Variants in PLPP4 observed in about 807,000 individuals in gnomAD.
PLPP4 encodes phospholipid phosphatase 4.
PLPP4 carries 20 observed loss-of-function variants against 32.2 expected under a neutral mutation model. The ratio of observed to expected loss-of-function variants is 0.62; its 90% CI spans 0.44 to 0.90. The LOEUF is 0.90. Among genes scored for constraint, PLPP4 ranks in the 40% least tolerant of loss-of-function variants. The probability of loss-of-function intolerance (pLI) is 0.00; values close to 1 mark genes in which losing one functional copy is unlikely to be tolerated. For missense variants in PLPP4, 257 were observed against 353.1 expected, an observed-to-expected ratio of 0.73 and a Z score of 2.18; for synonymous variants, 127 against 133.0, an observed-to-expected ratio of 0.95 and a Z score of 0.31.
chr10:120,566,875 A>G (rs922905507), intron 5 of PLPP4, among the ~76,000 whole-genome samples: 16 of 152,076 alleles, frequency 1.1e-4, no homozygotes, highest in Non-Finnish European at 2.2e-4. Context: ...TAAGCAGGTT[A>G]TTTAGTCTTT....
intron 2 of PLPP4, among the ~76,000 whole-genome samples, chr10:120,508,837 T>G (rs76524662): frequency 2.0e-5 from 3 of 152,312 alleles, no homozygotes; most frequent in Admixed American, 1.3e-4. Flanking sequence ...GAATTGAAAA[T>G]GCATCAATCC....
At chr10:120,564,425 C>T (rs970356474) in intron 5 of PLPP4, among the ~76,000 whole-genome samples, 6 of 151,678 alleles carry the variant, frequency 4.0e-5, no homozygotes, top group African/African-American at 7.2e-5. Flanking sequence ...TTTAAAAGAA[C>T]GTGAATTTTA....
chr10:120,514,173 G>T (rs564181432), intron 3 of PLPP4, among the ~76,000 whole-genome samples, 172 bp downstream of exon 3: 1 of 152,152 alleles, frequency 6.6e-6, no homozygotes, highest in Non-Finnish European at 1.5e-5. Flanking sequence ...GCCAACGTGC[G>T]GTCCTAAATG....
intron 5 of PLPP4, among the ~76,000 whole-genome samples, chr10:120,555,662 A>G (rs1412305074): frequency 6.6e-6 from 1 of 152,224 alleles, no homozygotes; most frequent in Non-Finnish European, 1.5e-5. Context: ...TGCCTGGCGT[A>G]GTGCCTGCCT....
Position 120,590,065 on chromosome 10 carries a change from A to T in PLPP4, c.*563A>T, listed in dbSNP as rs1295185849. ...TGAGCATTTCCAGGGCTTTTGAATC[A>T]TTGAATCTGGAAGCAAATAAAATTA... On this transcript the variant is annotated 3_prime_UTR_variant, in exon 7 of 7. Transcript: ENST00000398250. Among the ~76,000 whole-genome samples the T allele has an allele frequency of 6.6e-6, 1 of 152,220 alleles. No individual in the cohort carries two copies. Among genetic ancestry groups the T allele is most frequent in the Non-Finnish European group, 1.5e-5 (1 of 68,040 alleles).
intron 5 of PLPP4, among the ~76,000 whole-genome samples, chr10:120,523,408 T>TC (rs1244549764): frequency 6.6e-6 from 1 of 152,192 alleles, no homozygotes; most frequent in Non-Finnish European, 1.5e-5. Context: ...CATGTTTTTT[T>TC]CCTCTATGCA....
chr10:120,501,732 T>C (rs1289046327), intron 1 of PLPP4, among the ~76,000 whole-genome samples: 1 of 152,214 alleles, frequency 6.6e-6, no homozygotes, highest in Admixed American at 6.5e-5. Flanking sequence ...TGCTGGGGAC[T>C]CCTGGCCCAT....
At chr10:120,563,543 G>A (rs75325606) in intron 5 of PLPP4, among the ~76,000 whole-genome samples, 31,576 of 149,172 alleles carry the variant, frequency 0.21, 3,879 homozygotes, top group Non-Finnish European at 0.27. Flanking sequence ...GCTCACGCCT[G>A]TAATCCCAGC....
At chr10:120,491,662 G>A (rs1449539335) in intron 1 of PLPP4, among the ~76,000 whole-genome samples, 2 of 152,130 alleles carry the variant, frequency 1.3e-5, no homozygotes, top group African/African-American at 4.8e-5. Flanking sequence ...AGAACTTCTT[G>A]ATGTGAAAAT....
chr10:120,506,220 A>C (rs1284460685), intron 2 of PLPP4, among the ~76,000 whole-genome samples: 1 of 152,212 alleles, frequency 6.6e-6, no homozygotes, highest in African/African-American at 2.4e-5. Flanking sequence ...CATTAATAGC[A>C]GTTGATAAAT....
rs941688671 is a variant in PLPP4, at chr10:120,495,082, C to T, written c.57-8736C>T. 3.9e-5 allele frequency among the ~76,000 whole-genome samples: 6 copies of T among 152,216 alleles called. No individual in the cohort carries two copies. The South Asian group carries it at 8.3e-4, about 21-fold the overall frequency. On this transcript the variant is annotated intron_variant, in intron 1 of 6. Coordinates refer to ENST00000398250, the MANE Select transcript of PLPP4 (RefSeq NM_001030059.3). ...GCATGTACGGAGGAAGAGTGCACTCCGTGCCGTATAGACTTAGGCAAGACA... is the reference window on the plus strand; with the variant it reads ...GCATGTACGGAGGAAGAGTGCACTCTGTGCCGTATAGACTTAGGCAAGACA...
chr10:120,572,461 C>CAT (rs968399105), intron 5 of PLPP4, among the ~76,000 whole-genome samples: 2 of 152,246 alleles, frequency 1.3e-5, no homozygotes, highest in African/African-American at 4.8e-5. Context: ...TCCTGCTCAA[C>CAT]AGCTGCCCTA....
At chr10:120,581,672 G>A (rs988442373) in intron 6 of PLPP4, among the ~76,000 whole-genome samples, 3 of 152,010 alleles carry the variant, frequency 2.0e-5, no homozygotes, top group Non-Finnish European at 4.4e-5. Context: ...GCTCCACCTT[G>A]TGCCTGGAAT....
At chr10:120,538,046 C>CTGTG (rs1564825161) in intron 5 of PLPP4, among the ~76,000 whole-genome samples, 48 of 24,668 alleles carry the variant, frequency 1.9e-3, no homozygotes, top group African/African-American at 2.4e-3. Flanking sequence ...CTCTCTCTCT[C>CTGTG]TCTCTCTGTG....
At chr10:120,549,803 T>A (rs961172759) in intron 5 of PLPP4, among the ~76,000 whole-genome samples, 12 of 152,076 alleles carry the variant, frequency 7.9e-5, no homozygotes, top group African/African-American at 2.9e-4. Flanking sequence ...TGACAAAAAA[T>A]CTGTCATTAA....
rs577868463 is a variant in PLPP4 at position 120,572,000 on chromosome 10, A to T, written c.446-3131A>T. The stretch of plus-strand genomic sequence containing the variant: ...GGGCACACAGTGAAGTTTAAAAAAA[A>T]TATTCAAAGGCCCAGTAGCGTGTGG... On this transcript the variant is annotated intron_variant, in intron 5 of 6. Coordinates refer to ENST00000398250, the MANE Select transcript of PLPP4 (RefSeq NM_001030059.3). Among the ~76,000 whole-genome samples, 12 of 152,336 alleles carry T rather than the reference A, an allele frequency of 7.9e-5. No homozygotes were observed. In the East Asian group the frequency reaches 2.1e-3, roughly 27 times the overall value.
intron 5 of PLPP4, among the ~76,000 whole-genome samples, chr10:120,523,054 T>G (rs1236078509): frequency 6.6e-6 from 1 of 152,124 alleles, no homozygotes; most frequent in Non-Finnish European, 1.5e-5. Context: ...TCCCAGCACT[T>G]TGGGAGCCCA....
rs1357849051 is a variant in PLPP4 at position 120,468,871 on chromosome 10, CTG to C, written c.56+11512_56+11513del. On this transcript the variant is annotated intron_variant, in intron 1 of 6. Transcript: ENST00000398250. ...CAGGTGGAATAGTAAATGGGTACAA[CTG>C]TTTTGAAGAGCAATATTGCAGTACA... is the stretch of plus-strand genomic sequence containing the variant. Among the ~76,000 whole-genome samples the C allele has an allele frequency of 3.1e-5, 2 of 64,952 alleles. 1 individual carries two copies. Among genetic ancestry groups the C allele is most frequent in the Non-Finnish European group, 9.0e-5 (2 of 22,302 alleles). The allele number at this position is 64,952 out of a possible 152,430, so 42.6% of individuals were successfully genotyped here.
At chr10:120,553,358 G>T (rs916569473) in intron 5 of PLPP4, among the ~76,000 whole-genome samples, 4 of 152,134 alleles carry the variant, frequency 2.6e-5, no homozygotes, top group African/African-American at 9.7e-5. Context: ...TGGGATTAGT[G>T]CCCTCCTAAA....
Sources: allele counts gnomAD v4.1 joint callset (sites outside exome capture counted in the v4.1 genomes callset), GRCh38; gene constraint gnomAD v4.1.1; transcripts MANE v1.5; gene names NCBI Gene and HGNC (gene_info 2026-07-23, HGNC 2026-07-21).